Variants in PSMA1 observed in about 807,000 individuals in gnomAD.
PSMA1 encodes proteasome subunit alpha type-1.
A neutral mutation model predicts 38.4 loss-of-function variants in PSMA1; 3 were observed. The observed-to-expected ratio is 0.08, with a 90% CI of 0.04 to 0.20. The LOEUF (loss-of-function observed/expected upper bound fraction) is 0.20, where lower values mean the gene tolerates loss of function less well. PSMA1 is among the 10% of genes least tolerant of loss of function. The pLI is 1.00. For missense variants in PSMA1, 227 were observed against 325.3 expected, an observed-to-expected ratio of 0.70 and a Z score of 2.32; for synonymous variants, 101 against 107.1, an observed-to-expected ratio of 0.94 and a Z score of 0.35.
At chr11:14,526,787 G>C (rs1325092503) in intron 2 of PSMA1, among the ~76,000 whole-genome samples, 2 of 151,892 alleles carry the variant, frequency 1.3e-5, no homozygotes, top group East Asian at 3.9e-4. Flanking sequence ...CTTCTTTCCT[G>C]TTCCTCACCC....
Position 14,600,249 on chromosome 11 carries a change from C to T in PSMA1, c.21+10717G>A, listed in dbSNP as rs199790499. ...TCTGTCCGTTCTCAGAGCTCAAACG[C>T]TATGCTGGGAGAACCACTGCTCTCT... On this transcript the variant is annotated intron_variant, in intron 2 of 10. Transcript: ENST00000418988. 7.9e-5 allele frequency among the ~76,000 whole-genome samples: 12 copies of T among 152,308 alleles called. No homozygotes were observed. The East Asian group carries it at 2.1e-3, about 27-fold the overall frequency.
intron 2 of PSMA1, among the ~76,000 whole-genome samples, chr11:14,598,762 G>A (rs1852537558): frequency 6.6e-6 from 1 of 151,038 alleles, no homozygotes; most frequent in Non-Finnish European, 1.5e-5. Flanking sequence ...AATATGTTAT[G>A]TGTGAATTTC....
rs1851937682 is a variant in PSMA1, at chr11:14,555,997, G to A, written c.22-36956C>T. 2.6e-5 allele frequency among the ~76,000 whole-genome samples: 4 copies of A among 152,158 alleles called. No homozygotes were observed. In the South Asian group the frequency reaches 8.3e-4, roughly 32 times the overall value. ...GACTTCTCTTCTGGATGTCACCCTG[G>A]GGACCTTCCTTGTCCGGCTCTGGTC... On this transcript the variant is annotated intron_variant, in intron 2 of 10. Coordinates refer to the PSMA1 transcript ENST00000418988.
At chr11:14,600,974 T>A (rs1010064347) in intron 2 of PSMA1, among the ~76,000 whole-genome samples, 8 of 152,260 alleles carry the variant, frequency 5.3e-5, no homozygotes, top group Non-Finnish European at 2.9e-5. Context: ...GTGTTTTTTT[T>A]AAAACCAAAT....
At chr11:14,632,573 G>A (rs1020206936) in intron 1 of PSMA1, among the ~76,000 whole-genome samples, 5 of 151,262 alleles carry the variant, frequency 3.3e-5, no homozygotes, top group African/African-American at 1.2e-4. Flanking sequence ...AGGGTAACCC[G>A]ACCTTTCTCT....
intron 2 of PSMA1, among the ~76,000 whole-genome samples, chr11:14,604,158 C>T (rs1030453411): frequency 2.0e-5 from 3 of 152,186 alleles, no homozygotes; most frequent in Non-Finnish European, 4.4e-5. Context: ...CTCCTGGGTT[C>T]AAGTGATTAT....
chr11:14,599,607 C>T (rs1323198288), intron 2 of PSMA1, among the ~76,000 whole-genome samples: 1 of 152,180 alleles, frequency 6.6e-6, no homozygotes, highest in Admixed American at 6.5e-5. Flanking sequence ...TTAAGGTCTT[C>T]TCTCTGCTGT....
At chr11:14,625,067 C>G (rs1852894747) in intron 1 of PSMA1, among the ~76,000 whole-genome samples, 2 of 152,184 alleles carry the variant, frequency 1.3e-5, no homozygotes, top group South Asian at 4.1e-4. Flanking sequence ...AAGAAAAGCC[C>G]ATAGGAAACA....
intron 2 of PSMA1, among the ~76,000 whole-genome samples, chr11:14,562,287 AT>A (rs1279463716): frequency 1.3e-5 from 2 of 152,222 alleles, no homozygotes; most frequent in African/African-American, 4.8e-5. Flanking sequence ...TGTTACTGTC[AT>A]TAGATGAATT....
chr11:14,542,514 C>T (rs768250360), intron 2 of PSMA1, among the ~76,000 whole-genome samples: 13 of 152,222 alleles, frequency 8.5e-5, no homozygotes, highest in Non-Finnish European at 1.3e-4. Flanking sequence ...ACCTCTACCC[C>T]CTAAAACATT....
intron 2 of PSMA1, among the ~76,000 whole-genome samples, chr11:14,536,401 C>T (rs1308790182): frequency 6.6e-6 from 1 of 151,684 alleles, no homozygotes. Context: ...GTGGTGAGCG[C>T]CTGTAATCCC....
intron 2 of PSMA1, among the ~76,000 whole-genome samples, chr11:14,565,078 C>G (rs918285880): frequency 1.3e-5 from 2 of 152,170 alleles, no homozygotes; most frequent in African/African-American, 4.8e-5. Context: ...AGCACCCAGC[C>G]TATAGGGCTC....
intron 2 of PSMA1, among the ~76,000 whole-genome samples, chr11:14,561,809 T>TTAAAC (rs71044010): frequency 0.071 from 10,512 of 147,818 alleles, 488 homozygotes; most frequent in East Asian, 0.19. Flanking sequence ...CTAAACTAAA[T>TTAAAC]TAAACTAAAC....
At chr11:14,546,363 T>C (rs761925429) in intron 2 of PSMA1, among the ~76,000 whole-genome samples, 2 of 152,030 alleles carry the variant, frequency 1.3e-5, no homozygotes, top group Admixed American at 6.6e-5. Flanking sequence ...CAGCAAATGA[T>C]GTTAGAATGC....
intron 2 of PSMA1, among the ~76,000 whole-genome samples, chr11:14,590,133 C>A (rs1053270322): frequency 6.6e-6 from 1 of 152,080 alleles, no homozygotes; most frequent in African/African-American, 2.4e-5. Context: ...ATATGAGGTA[C>A]CTAGAGTAGT....
chr11:14,578,612 T>C (rs1207182560), intron 2 of PSMA1, among the ~76,000 whole-genome samples: 2 of 152,234 alleles, frequency 1.3e-5, no homozygotes, highest in African/African-American at 4.8e-5. Flanking sequence ...AAGAAGGTAT[T>C]CTTGGCATGG....
intron 1 of PSMA1, among the ~76,000 whole-genome samples, chr11:14,621,163 G>A (rs900425454): frequency 1.3e-5 from 2 of 152,060 alleles, no homozygotes; most frequent in Non-Finnish European, 2.9e-5. Flanking sequence ...TTGTGAAATG[G>A]CTAGTGGGCA....
Position 14,507,691 on chromosome 11 carries a change from C to T in PSMA1, c.700G>A (p.Glu234Lys), listed in dbSNP as rs765948886. ...YDDDDVSPFL[E>K]GLEERPQRKA... ...CTCTGTGGTCTTTCTTCAAGACCTT[C>T]CAGGAATGGAGACACATCATCATCA... The change falls in exon 9 of 10, where the codon GAA becomes AAA. Residue 234 changes from glutamate (E) to lysine (K), a missense_variant. Physicochemically the swap from Glu to Lys is moderately conservative, Grantham distance 56. Transcript: ENST00000396394. 6.2e-7 allele frequency: 1 copy of T among 1,612,308 alleles called. No individual in the cohort carries two copies. The highest frequency in any genetic ancestry group is 1.7e-5 in the Admixed American group (1 of 59,856).
chr11:14,638,585 ATTTTTTTTTTTTTT>A (rs1162549899), intron 1 of PSMA1, among the ~76,000 whole-genome samples: 56 of 8,076 alleles, frequency 6.9e-3, no homozygotes, highest in African/African-American at 0.014. Context: ...ATATATATAT[ATTTTTTTTTTTTTT>A]TTTTTTTTTT....
Sources: gnomAD v4.1 joint callset for allele counts (sites outside exome capture counted in the v4.1 genomes callset) on GRCh38, gnomAD v4.1.1 for gene constraint, MANE v1.5 for transcripts, NCBI Gene and HGNC (gene_info 2026-07-23, HGNC 2026-07-21) for gene names.